Variants in DSCAML1 observed in about 807,000 individuals in gnomAD.
DSCAML1 encodes the protein DS cell adhesion molecule like 1.
Under a neutral mutation model 200.5 loss-of-function variants are expected in DSCAML1, and 38 were observed. The ratio of observed to expected loss-of-function variants is 0.19; its 90% confidence interval spans 0.15 to 0.25. The LOEUF (loss-of-function observed/expected upper bound fraction) is 0.25. Among genes scored for constraint, DSCAML1 ranks in the 10% least tolerant of loss-of-function variants. The pLI is 1.00. For missense variants in DSCAML1, 2,223 were observed against 2,858.8 expected, an observed-to-expected ratio of 0.78 and a Z score of 5.07; for synonymous variants, 1,215 against 1,165.0, an observed-to-expected ratio of 1.04 and a Z score of -0.87.
intron 11 of DSCAML1, among the ~76,000 whole-genome samples, chr11:117,500,216 C>T (rs1388848525): frequency 2.6e-5 from 4 of 152,208 alleles, no homozygotes; most frequent in Non-Finnish European, 4.4e-5. Context: ...TTTCTTGACA[C>T]GTGCTTCTTC....
At chr11:117,596,891 CCTAGTAG>C (rs1565815765) in intron 3 of DSCAML1, among the ~76,000 whole-genome samples, 1 of 152,126 alleles carries the variant, frequency 6.6e-6, no homozygotes. Flanking sequence ...GAGGAGGAAA[CCTAGTAG>C]CTAGCTTTGG....
intron 8 of DSCAML1, among the ~76,000 whole-genome samples, chr11:117,507,757 TGATCCACCTTATTCC>T (rs2049530239): frequency 2.0e-5 from 3 of 152,192 alleles, no homozygotes; most frequent in Non-Finnish European, 4.4e-5. Context: ...CAGCTGGCTT[TGATCCACCTTATTCC>T]AGATCCACCT....
At chr11:117,522,102 C>A (rs1337756416) in intron 5 of DSCAML1, among the ~76,000 whole-genome samples, 1 of 152,240 alleles carries the variant, frequency 6.6e-6, no homozygotes, top group Non-Finnish European at 1.5e-5. Context: ...GCACCAGCAA[C>A]CTGCCTGCGA....
intron 8 of DSCAML1, among the ~76,000 whole-genome samples, chr11:117,515,323 G>T (rs2049737357): frequency 6.6e-6 from 1 of 152,084 alleles, no homozygotes; most frequent in Non-Finnish European, 1.5e-5. Context: ...AAGCCTGGGG[G>T]TATCCACCTC....
chr11:117,716,836 G>A (rs901151939), intron 3 of DSCAML1, among the ~76,000 whole-genome samples: 2 of 152,138 alleles, frequency 1.3e-5, no homozygotes, highest in Non-Finnish European at 2.9e-5. Flanking sequence ...CCCATGTATT[G>A]TCCACAGCTG....
chr11:117,473,177 T>TA (rs10709672), intron 14 of DSCAML1, among the ~76,000 whole-genome samples: 1 of 152,124 alleles, frequency 6.6e-6, no homozygotes, highest in African/African-American at 2.4e-5. Flanking sequence ...CTAGAAAGAC[T>TA]AAAAAAATTT....
chr11:117,578,653 G>A (rs1029470599), intron 3 of DSCAML1, among the ~76,000 whole-genome samples: 3 of 152,124 alleles, frequency 2.0e-5, no homozygotes, highest in Admixed American at 1.3e-4. Context: ...CTGGGAAACA[G>A]AGCAAGATGT....
chr11:117,635,258 C>T (rs1276234723), intron 3 of DSCAML1, among the ~76,000 whole-genome samples: 2 of 152,176 alleles, frequency 1.3e-5, no homozygotes, highest in African/African-American at 2.4e-5. Flanking sequence ...GGGAGGGAGA[C>T]AGAAAGCCCC....
At chr11:117,762,361 G>A (rs2054819071) in intron 3 of DSCAML1, among the ~76,000 whole-genome samples, 1 of 152,162 alleles carries the variant, frequency 6.6e-6, no homozygotes, top group Admixed American at 6.5e-5. Flanking sequence ...CTGTGACAGT[G>A]CCTGGCATAG....
rs776843159 is a variant in DSCAML1 at position 117,524,798 on chromosome 11, G to A, written c.937+7C>T. On this transcript the variant is annotated splice_region_variant and intron_variant, in intron 5 of 32. Coordinates refer to ENST00000651296, the MANE Select transcript of DSCAML1 (RefSeq NM_020693.4). The stretch of plus-strand genomic sequence containing the variant: ...CTGGGGCTGCAGAAGGGGCTTCCCC[G>A]ACTCACCAATGACCATGAGGATGCC... 4.3e-5 allele frequency: 68 copies of A among 1,570,966 alleles called. No homozygotes were observed. The highest frequency in any genetic ancestry group is 5.4e-5 in the Non-Finnish European group (62 of 1,156,900).
At position 117,481,797 on chromosome 11, in the gene DSCAML1, T is replaced by C. The variant is rs974609457; in HGVS notation, c.2559+166A>G. 4.6e-5 allele frequency among the ~76,000 whole-genome samples: 7 copies of C among 152,046 alleles called. No individual in the cohort carries two copies. The South Asian group carries it at 1.5e-3, about 32-fold the overall frequency. ...ATACAGTGAAGTTCTGAGACACAGA[T>C]TCCTGGATGGAGAGGGGAAATAGGT... On this transcript the variant is annotated intron_variant, in intron 12 of 32. Transcript: ENST00000651296.
chr11:117,447,673 C>T (rs2048208109), intron 20 of DSCAML1, among the ~76,000 whole-genome samples: 1 of 152,160 alleles, frequency 6.6e-6, no homozygotes, highest in Admixed American at 6.5e-5. Context: ...GGTAGCTTCC[C>T]TAGAGCCAAG....
At chr11:117,445,724 T>C (rs1482643056) in intron 20 of DSCAML1, among the ~76,000 whole-genome samples, 1 of 152,220 alleles carries the variant, frequency 6.6e-6, no homozygotes, top group Non-Finnish European at 1.5e-5. Context: ...GTGTATGTGC[T>C]TGTGTGCATC....
At chr11:117,687,553 A>T (rs1465796600) in intron 3 of DSCAML1, among the ~76,000 whole-genome samples, 2 of 151,382 alleles carry the variant, frequency 1.3e-5, no homozygotes, top group African/African-American at 2.4e-5. Flanking sequence ...GGTGTGAGCC[A>T]CCATGACTGG....
At chr11:117,564,804 C>T (rs1216914043) in intron 3 of DSCAML1, among the ~76,000 whole-genome samples, 2 of 151,486 alleles carry the variant, frequency 1.3e-5, no homozygotes, top group African/African-American at 4.9e-5. Context: ...CTCGCTCTGT[C>T]ACCCAGGTTG....
intron 3 of DSCAML1, among the ~76,000 whole-genome samples, chr11:117,689,182 G>A (rs1222003074): frequency 6.6e-6 from 1 of 152,210 alleles, no homozygotes; most frequent in Non-Finnish European, 1.5e-5. Flanking sequence ...TTTGTAGACA[G>A]AGACAAAGTG....
chr11:117,572,327 C>T (rs921094055), intron 3 of DSCAML1, among the ~76,000 whole-genome samples: 3 of 152,170 alleles, frequency 2.0e-5, no homozygotes, highest in South Asian at 2.1e-4. Flanking sequence ...GTGGCCTCTC[C>T]GAGTTTCCAG....
At chr11:117,619,040 C>A (rs2051870553) in intron 3 of DSCAML1, among the ~76,000 whole-genome samples, 1 of 152,206 alleles carries the variant, frequency 6.6e-6, no homozygotes, top group East Asian at 1.9e-4. Flanking sequence ...AATTCCTGAC[C>A]TGGCTTCTTT....
intron 11 of DSCAML1, among the ~76,000 whole-genome samples, chr11:117,500,844 T>C (rs1203292971): frequency 2.6e-5 from 4 of 152,220 alleles, no homozygotes; most frequent in Non-Finnish European, 5.9e-5. Context: ...TTCTTTCTTC[T>C]GCTTGGGCAA....
Sources: gnomAD v4.1 joint callset for allele counts (sites outside exome capture counted in the v4.1 genomes callset) on GRCh38, gnomAD v4.1.1 for gene constraint, MANE v1.5 for transcripts, NCBI Gene and HGNC (gene_info 2026-07-23, HGNC 2026-07-21) for gene names.